The following GRXCR1 variants were observed in gnomAD, a reference collection of about 807,000 sequenced individuals.
The protein encoded by GRXCR1 is glutaredoxin domain-containing cysteine-rich protein 1.
In GRXCR1, 27 loss-of-function variants were observed where a neutral mutation model predicts 27.3. The observed-to-expected ratio is 0.99, with a 90% CI of 0.73 to 1.37. GRXCR1 has a LOEUF of 1.37. Ranked by LOEUF, GRXCR1 falls within the 40% of genes most tolerant of loss-of-function variation. GRXCR1 has a pLI of 0.00. For missense variants in GRXCR1, 379 were observed against 354.4 expected (o/e 1.07, Z -0.56); for synonymous variants, 122 against 131.1 (o/e 0.93, Z 0.47).
intron 1 of GRXCR1, among the ~76,000 whole-genome samples, chr4:42,950,193 G>A (rs1678647583): frequency 6.6e-6 from 1 of 152,120 alleles, no homozygotes; most frequent in Admixed American, 6.6e-5. Flanking sequence ...CAAAGATGAA[G>A]GGTGTTACGA....
Position 42,963,153 on chromosome 4 carries a change from A to T in GRXCR1, c.627+19A>T, listed in dbSNP as rs201824235. The T allele has an allele frequency of 3.2e-4, 522 of 1,611,706 alleles. No individual in the cohort carries two copies. The highest frequency in any genetic ancestry group is 4.2e-4 in the Non-Finnish European group (500 of 1,178,272). On this transcript the variant is annotated intron_variant, in intron 2 of 3. Transcript: ENST00000399770. The stretch of plus-strand genomic sequence containing the variant: ...CCTTGGGGTAAGTAAGCTGCCCAGG[A>T]AAGTCTTTTTCATAGAACCCAACCA...
intron 1 of GRXCR1, among the ~76,000 whole-genome samples, chr4:42,934,784 T>C (rs1453320346): frequency 6.6e-6 from 1 of 152,010 alleles, no homozygotes; most frequent in Non-Finnish European, 1.5e-5. Flanking sequence ...GATTCATGTC[T>C]GAATAGGAAC....
intron 2 of GRXCR1, among the ~76,000 whole-genome samples, chr4:43,000,723 T>G (rs917236595): frequency 3.3e-5 from 5 of 151,976 alleles, no homozygotes; most frequent in Non-Finnish European, 7.4e-5. Context: ...CGTACCATCT[T>G]TGGTTTCAGG....
chr4:42,920,182 G>T (rs1746976512), intron 1 of GRXCR1, among the ~76,000 whole-genome samples: 1 of 152,126 alleles, frequency 6.6e-6, no homozygotes, highest in South Asian at 2.1e-4. Context: ...AGAACTGGCT[G>T]CCCTACTTGG....
At chr4:42,992,329 CG>C (rs1459944611) in intron 2 of GRXCR1, among the ~76,000 whole-genome samples, 1 of 152,086 alleles carries the variant, frequency 6.6e-6, no homozygotes. Flanking sequence ...TAATGCTATA[CG>C]TCAAACCTGG....
At chr4:42,931,799 C>G (rs1747317176) in intron 1 of GRXCR1, among the ~76,000 whole-genome samples, 1 of 151,870 alleles carries the variant, frequency 6.6e-6, no homozygotes, top group Non-Finnish European at 1.5e-5. Flanking sequence ...CAACTATAGT[C>G]ACTATATTAG....
chr4:42,961,577 T>C (rs553485679), intron 1 of GRXCR1, among the ~76,000 whole-genome samples: 1 of 152,154 alleles, frequency 6.6e-6, no homozygotes, highest in East Asian at 1.9e-4. Context: ...GTATTTCTTT[T>C]ACTCCTGACC....
At chr4:43,017,155 T>G (rs1467184251) in intron 2 of GRXCR1, among the ~76,000 whole-genome samples, 1 of 152,224 alleles carries the variant, frequency 6.6e-6, no homozygotes, top group Non-Finnish European at 1.5e-5. Flanking sequence ...ATTTCATAGC[T>G]TCTCTGGCAT....
At chr4:42,957,836 C>T (rs1412776323) in intron 1 of GRXCR1, among the ~76,000 whole-genome samples, 1 of 151,764 alleles carries the variant, frequency 6.6e-6, no homozygotes, top group Non-Finnish European at 1.5e-5. Flanking sequence ...AATTCCTTCT[C>T]TGTGTCATCT....
At chr4:43,008,794 T>C (rs968297004) in intron 2 of GRXCR1, among the ~76,000 whole-genome samples, 1 of 152,228 alleles carries the variant, frequency 6.6e-6, no homozygotes, top group African/African-American at 2.4e-5. Flanking sequence ...AATATTCCTG[T>C]AACACTTGTA....
intron 2 of GRXCR1, among the ~76,000 whole-genome samples, chr4:43,016,314 A>G (rs1333738422): frequency 6.6e-6 from 1 of 152,186 alleles, no homozygotes; most frequent in Non-Finnish European, 1.5e-5. Context: ...TGTACATATA[A>G]TAATATTTGG....
intron 2 of GRXCR1, among the ~76,000 whole-genome samples, chr4:42,969,998 G>A (rs1359148758): frequency 1.3e-5 from 2 of 152,138 alleles, no homozygotes; most frequent in Admixed American, 6.5e-5. Flanking sequence ...AGGGAAAATT[G>A]GCCAAAACCA....
At chr4:42,963,285 T>C (rs1577922726) in intron 2 of GRXCR1, 151 bp downstream of exon 2, 1 of 854,226 alleles carries the variant, frequency 1.2e-6, no homozygotes, top group African/African-American at 1.7e-5. Context: ...CTTATTTCTG[T>C]CCCAGACAAT....
At chr4:42,970,655 G>A (rs879036644) in intron 2 of GRXCR1, among the ~76,000 whole-genome samples, 1 of 152,124 alleles carries the variant, frequency 6.6e-6, no homozygotes, top group Admixed American at 6.6e-5. Flanking sequence ...TGGGGCCCTG[G>A]GGATGGCCCA....
chr4:42,969,481 T>A (rs1202889197), intron 2 of GRXCR1, among the ~76,000 whole-genome samples: 1 of 152,090 alleles, frequency 6.6e-6, no homozygotes, highest in South Asian at 2.1e-4. Flanking sequence ...TCATATGCAT[T>A]CACAAAGAGA....
intron 2 of GRXCR1, among the ~76,000 whole-genome samples, chr4:43,003,539 A>T (rs1712454659): frequency 6.6e-6 from 1 of 151,788 alleles, no homozygotes; most frequent in Non-Finnish European, 1.5e-5. Context: ...AGTGATATGG[A>T]CAATGAATTT....
chr4:42,996,002 G>T (rs541060261), intron 2 of GRXCR1, among the ~76,000 whole-genome samples: 7 of 152,222 alleles, frequency 4.6e-5, no homozygotes, highest in African/African-American at 1.7e-4. Flanking sequence ...GAGTTTTCAG[G>T]TTTCTTCATT....
At chr4:43,012,235 C>G (rs1044148688) in intron 2 of GRXCR1, among the ~76,000 whole-genome samples, 3 of 152,158 alleles carry the variant, frequency 2.0e-5, no homozygotes, top group African/African-American at 7.2e-5. Context: ...GGCTGAAGAA[C>G]ACTTTATGTA....
At chr4:42,905,081 C>T (rs747897894) in intron 1 of GRXCR1, among the ~76,000 whole-genome samples, 3 of 152,188 alleles carry the variant, frequency 2.0e-5, no homozygotes, top group Non-Finnish European at 4.4e-5. Context: ...AACTTGGCTC[C>T]GACCCTGCCA....
Sources: allele counts gnomAD v4.1 joint callset (sites outside exome capture counted in the v4.1 genomes callset), GRCh38; gene constraint gnomAD v4.1.1; transcripts MANE v1.5; gene names NCBI Gene and HGNC (gene_info 2026-07-23, HGNC 2026-07-21).